The following ADAMTS3 variants were observed in gnomAD, a reference collection of about 807,000 sequenced individuals.
The protein encoded by ADAMTS3 is ADAM metallopeptidase with thrombospondin type 1 motif 3.
A neutral mutation model predicts 129.0 loss-of-function variants in ADAMTS3; 73 were observed. The observed-to-expected ratio is 0.57, with a 90% CI of 0.47 to 0.69. The LOEUF (loss-of-function observed/expected upper bound fraction) is 0.69, where lower values mean the gene tolerates loss of function less well. Among genes scored for constraint, ADAMTS3 ranks in the 30% least tolerant of loss-of-function variants. ADAMTS3 has a pLI of 0.00. For synonymous variants in ADAMTS3, 477 were observed against 510.8 expected, an observed-to-expected ratio of 0.93 and a Z score of 0.89; for missense variants, 1,457 against 1,514.5, an observed-to-expected ratio of 0.96 and a Z score of 0.63.
At chr4:72,478,269 T>C (rs1202609916) in intron 3 of ADAMTS3, among the ~76,000 whole-genome samples, 2 of 151,968 alleles carry the variant, frequency 1.3e-5, no homozygotes, top group Non-Finnish European at 2.9e-5. Context: ...ATATCCTTGA[T>C]GAACATTGAT....
rs568017959 is a variant in ADAMTS3, at chr4:72,360,392, A to T, written c.662-20699T>A. On this transcript the variant is annotated intron_variant, in intron 4 of 21. Coordinates refer to ENST00000286657, the MANE Select transcript of ADAMTS3 (RefSeq NM_014243.3). Reference sequence around the variant, plus strand: ...CAATAATTAACCAAAGGTCCAAAAAAAATTTCTTTTTAGTGATTTTTGTTC... The same window carrying T: ...CAATAATTAACCAAAGGTCCAAAAATAATTTCTTTTTAGTGATTTTTGTTC... Among the ~76,000 whole-genome samples, 19 of 152,138 alleles carry T rather than the reference A, an allele frequency of 1.2e-4. No homozygotes were observed. In the South Asian group the frequency reaches 3.5e-3, roughly 28 times the overall value.
rs1051580391 is a variant in ADAMTS3 at position 72,289,652 on chromosome 4, G to A, written c.2932-784C>T. Among the ~76,000 whole-genome samples the A allele has an allele frequency of 2.0e-5, 3 of 152,144 alleles. No individual in the cohort carries two copies. In the South Asian group the frequency reaches 6.2e-4, roughly 32 times the overall value. Reference sequence around the variant, plus strand: ...AACTGCCATTGTAACAATGTTGAGAGGGACCTTTAAGAGGTGGGACCTTTC... The same window carrying A: ...AACTGCCATTGTAACAATGTTGAGAAGGACCTTTAAGAGGTGGGACCTTTC... On this transcript the variant is annotated intron_variant, in intron 20 of 21. Coordinates refer to ENST00000286657, the MANE Select transcript of ADAMTS3 (RefSeq NM_014243.3).
chr4:72,429,540 A>G (rs1722647488), intron 3 of ADAMTS3, among the ~76,000 whole-genome samples: 1 of 152,082 alleles, frequency 6.6e-6, no homozygotes, highest in Non-Finnish European at 1.5e-5. Context: ...AAAAAGCATT[A>G]TTAAACATAC....
At chr4:72,524,862 A>G (rs976630010) in intron 3 of ADAMTS3, among the ~76,000 whole-genome samples, 7 of 152,184 alleles carry the variant, frequency 4.6e-5, no homozygotes, top group Non-Finnish European at 1.0e-4. Flanking sequence ...AAGAAGAAAT[A>G]GAACTGGACA....
chr4:72,360,584 G>A (rs749528962), intron 4 of ADAMTS3, among the ~76,000 whole-genome samples: 1 of 151,780 alleles, frequency 6.6e-6, no homozygotes, highest in South Asian at 2.1e-4. Flanking sequence ...TATTACCAAA[G>A]AGAAGATTGC....
At chr4:72,364,844 C>A (rs1208671007) in intron 4 of ADAMTS3, among the ~76,000 whole-genome samples, 1 of 151,966 alleles carries the variant, frequency 6.6e-6, no homozygotes, top group Non-Finnish European at 1.5e-5. Context: ...CTACCTCAGC[C>A]TCCCAAAGTG....
chr4:72,457,273 C>T (rs529820756), intron 3 of ADAMTS3, among the ~76,000 whole-genome samples: 5 of 151,716 alleles, frequency 3.3e-5, no homozygotes, highest in African/African-American at 1.2e-4. Flanking sequence ...AAAGATAAAC[C>T]ATTTTACATT....
intron 3 of ADAMTS3, among the ~76,000 whole-genome samples, chr4:72,427,134 C>T (rs981813008): frequency 1.3e-5 from 2 of 152,074 alleles, no homozygotes; most frequent in African/African-American, 4.8e-5. Context: ...GGACAATTTC[C>T]AAAAGCTCTG....
intron 9 of ADAMTS3, 84 bp downstream of exon 9, chr4:72,319,248 T>C (rs1045464153): frequency 6.0e-6 from 9 of 1,500,550 alleles, no homozygotes; most frequent in Non-Finnish European, 8.2e-6. Context: ...ACTGGGAATT[T>C]TGCTATGATC....
At chr4:72,415,619 C>A (rs1722284627) in intron 3 of ADAMTS3, among the ~76,000 whole-genome samples, 1 of 151,776 alleles carries the variant, frequency 6.6e-6, no homozygotes, top group African/African-American at 2.4e-5. Context: ...ATATATCCCC[C>A]TCAAACTGCA....
chr4:72,304,220 T>C, intron 16 of ADAMTS3, 140 bp from the exon 17 acceptor site: 8 of 811,266 alleles, frequency 9.9e-6, no homozygotes, highest in Non-Finnish European at 1.5e-5. Flanking sequence ...TGGGTGTTAG[T>C]TCTGATATTA....
intron 3 of ADAMTS3, among the ~76,000 whole-genome samples, chr4:72,538,040 G>A (rs371248299): frequency 1.2e-4 from 19 of 152,096 alleles, no homozygotes; most frequent in African/African-American, 4.6e-4. Context: ...GATTTGAGCA[G>A]GCAGAAAAAT....
chr4:72,334,616 G>A (rs962081046), intron 5 of ADAMTS3, among the ~76,000 whole-genome samples: 1 of 151,892 alleles, frequency 6.6e-6, no homozygotes, highest in Non-Finnish European at 1.5e-5. Flanking sequence ...CATGCTTATT[G>A]GAATATTGCC....
intron 4 of ADAMTS3, among the ~76,000 whole-genome samples, chr4:72,385,047 C>T (rs920044982): frequency 1.3e-5 from 2 of 151,866 alleles, no homozygotes; most frequent in African/African-American, 2.4e-5. Context: ...GGATTGGTGG[C>T]GGGCACCTGT....
intron 3 of ADAMTS3, among the ~76,000 whole-genome samples, chr4:72,476,496 T>C (rs1326539587): frequency 6.6e-6 from 1 of 152,118 alleles, no homozygotes; most frequent in Non-Finnish European, 1.5e-5. Flanking sequence ...AAAAAAGGAA[T>C]GTCCAGGCCC....
intron 3 of ADAMTS3, among the ~76,000 whole-genome samples, chr4:72,455,237 G>T (rs1252022577): frequency 6.6e-6 from 1 of 151,518 alleles, no homozygotes; most frequent in Non-Finnish European, 1.5e-5. Context: ...AAAAAACTTA[G>T]AAATATGTTG....
intron 3 of ADAMTS3, among the ~76,000 whole-genome samples, chr4:72,454,567 T>C (rs1055861632): frequency 1.3e-5 from 2 of 151,736 alleles, no homozygotes; most frequent in Non-Finnish European, 2.9e-5. Context: ...GCTTGAAATG[T>C]AGCACTTGAC....
At chr4:72,480,576 A>G (rs190733045) in intron 3 of ADAMTS3, among the ~76,000 whole-genome samples, 1 of 152,046 alleles carries the variant, frequency 6.6e-6, no homozygotes, top group Non-Finnish European at 1.5e-5. Flanking sequence ...GGATAGCATT[A>G]GGAGATATAC....
At chr4:72,444,276 A>C (rs1451175526) in intron 3 of ADAMTS3, among the ~76,000 whole-genome samples, 1 of 151,754 alleles carries the variant, frequency 6.6e-6, no homozygotes, top group Non-Finnish European at 1.5e-5. Context: ...TAAAAGAGTC[A>C]CAAAAATCCC....
Sources: gnomAD v4.1 joint callset for allele counts (sites outside exome capture counted in the v4.1 genomes callset) on GRCh38, gnomAD v4.1.1 for gene constraint, MANE v1.5 for transcripts, NCBI Gene and HGNC (gene_info 2026-07-23, HGNC 2026-07-21) for gene names.